The following ROR2 variants were observed in gnomAD, a reference collection of about 807,000 sequenced individuals.
The protein encoded by ROR2 is tyrosine-protein kinase transmembrane receptor ROR2.
Under a neutral mutation model 74.9 loss-of-function variants are expected in ROR2, and 33 were observed. That is an observed-to-expected ratio of 0.44 (90% CI 0.33 to 0.59). The LOEUF (loss-of-function observed/expected upper bound fraction) is 0.59, where lower values mean the gene tolerates loss of function less well. Ranked by LOEUF, ROR2 falls within the 20% of genes least tolerant of loss-of-function variation. ROR2 has a pLI of 0.02. For missense variants in ROR2, 1,216 were observed against 1,313.8 expected (o/e 0.93, Z 1.15); for synonymous variants, 586 against 558.7 (o/e 1.05, Z -0.69).
chr9:91,924,190 G>A (rs1202596010), intron 1 of ROR2, among the ~76,000 whole-genome samples: 1 of 152,214 alleles, frequency 6.6e-6, no homozygotes, highest in Non-Finnish European at 1.5e-5. Context: ...GTCCTCCATG[G>A]TAGGTGATCC....
chr9:91,767,078 CG>C (rs35392720), intron 2 of ROR2, among the ~76,000 whole-genome samples: 4,711 of 142,480 alleles, frequency 0.033, 252 homozygotes, highest in African/African-American at 0.11. Context: ...CAATGACTTA[CG>C]GTTTTTTTTT....
chr9:91,781,822 A>G (rs937398075), intron 1 of ROR2, among the ~76,000 whole-genome samples: 11 of 152,208 alleles, frequency 7.2e-5, no homozygotes, highest in African/African-American at 2.7e-4. Context: ...CGTTTCACCA[A>G]TTTGAACTTT....
chr9:91,877,483 A>G (rs143930038), intron 1 of ROR2, among the ~76,000 whole-genome samples: 4 of 152,240 alleles, frequency 2.6e-5, no homozygotes, highest in East Asian at 1.9e-4. Context: ...AGAAGATCAG[A>G]TAACTACTAT....
At chr9:91,890,349 T>C (rs1164768606) in intron 1 of ROR2, among the ~76,000 whole-genome samples, 3 of 152,206 alleles carry the variant, frequency 2.0e-5, no homozygotes, top group African/African-American at 7.2e-5. Context: ...AATCTTCTCC[T>C]GTAAAGCTTT....
intron 1 of ROR2, among the ~76,000 whole-genome samples, chr9:91,871,297 A>C (rs1357882301): frequency 2.6e-5 from 4 of 152,214 alleles, no homozygotes; most frequent in Middle Eastern, 3.2e-3. Context: ...CTAAACCACT[A>C]TCTGTGTTTC....
At chr9:91,770,163 C>T (rs574000203) in intron 2 of ROR2, among the ~76,000 whole-genome samples, 4 of 152,344 alleles carry the variant, frequency 2.6e-5, no homozygotes, top group African/African-American at 9.6e-5. Context: ...GGGGGATGCC[C>T]TCATGGTGGC....
At chr9:91,874,379 C>T (rs1332623223) in intron 1 of ROR2, among the ~76,000 whole-genome samples, 1 of 152,154 alleles carries the variant, frequency 6.6e-6, no homozygotes, top group Non-Finnish European at 1.5e-5. Context: ...GCCAGCTGCA[C>T]TTATTCTACT....
intron 1 of ROR2, among the ~76,000 whole-genome samples, chr9:91,926,772 C>T (rs935851767): frequency 4.6e-5 from 7 of 151,818 alleles, no homozygotes; most frequent in Non-Finnish European, 1.0e-4. Context: ...TCCACTCACA[C>T]GAGGTCCCCA....
intron 1 of ROR2, among the ~76,000 whole-genome samples, chr9:91,862,152 T>A (rs774328863): frequency 5.9e-5 from 9 of 151,616 alleles, no homozygotes; most frequent in Non-Finnish European, 1.3e-4. Context: ...TGAAACCCCA[T>A]CTCTACTAAA....
Position 91,723,454 on chromosome 9 carries a change from C to G in ROR2, c.*208G>C. 1 of 708,092 alleles carries G rather than the reference C, an allele frequency of 1.4e-6. No individual in the cohort carries two copies. Among genetic ancestry groups the G allele is most frequent in the Non-Finnish European group, 2.3e-6 (1 of 434,230 alleles). 43.9% of individuals were successfully genotyped at this position (708,092 alleles called of 1,614,324 possible). On this transcript the variant is annotated 3_prime_UTR_variant, in exon 9 of 9. Transcript: ENST00000375708. ...CCCAGGACGCCGTGCTGCCAGACCC[C>G]CTGCCTGGCTTGGGTGCTCCTAGGC...
chr9:91,779,488 C>T (rs188467273), intron 1 of ROR2, among the ~76,000 whole-genome samples: 8 of 151,620 alleles, frequency 5.3e-5, no homozygotes, highest in Admixed American at 3.9e-4. Flanking sequence ...CTCCTGCCTC[C>T]GCCTCCCAAG....
intron 1 of ROR2, among the ~76,000 whole-genome samples, chr9:91,849,362 T>C (rs1829029141): frequency 6.6e-6 from 1 of 152,228 alleles, no homozygotes. Context: ...GGAAAATATC[T>C]TGACTGGCGA....
At chr9:91,821,967 T>A (rs966925749) in intron 1 of ROR2, among the ~76,000 whole-genome samples, 2 of 150,246 alleles carry the variant, frequency 1.3e-5, no homozygotes, top group African/African-American at 2.5e-5. Context: ...AAAGGAAAGA[T>A]GGAAGGAAGA....
At chr9:91,858,088 C>T (rs372440154) in intron 1 of ROR2, among the ~76,000 whole-genome samples, 4 of 152,136 alleles carry the variant, frequency 2.6e-5, no homozygotes, top group Non-Finnish European at 4.4e-5. Flanking sequence ...CAAAGGTTGG[C>T]CATGGCCTGC....
chr9:91,727,550 G>A (rs1006480448), intron 7 of ROR2, among the ~76,000 whole-genome samples: 3 of 152,098 alleles, frequency 2.0e-5, no homozygotes, highest in Admixed American at 6.5e-5. Context: ...CCCAGGCTGC[G>A]TGGCCCCAAG....
chr9:91,937,242 G>A (rs544797149), intron 1 of ROR2, among the ~76,000 whole-genome samples: 37 of 152,072 alleles, frequency 2.4e-4, no homozygotes, highest in Non-Finnish European at 5.0e-4. Context: ...TGTTGGTCTG[G>A]CAGGAAGCAA....
Position 91,844,477 on chromosome 9 carries a change from G to A in ROR2, c.98-68659C>T, listed in dbSNP as rs549929548. Among the ~76,000 whole-genome samples the A allele has an allele frequency of 5.9e-5, 9 of 152,278 alleles. No individual in the cohort carries two copies. In the South Asian group the frequency reaches 1.0e-3, roughly 18 times the overall value. ...GGCTGTGGTTTTACTTCCTCCTGCCGTCCTCCAAATATCAGGCTCTCTCTG... is the reference window on the plus strand; with the variant it reads ...GGCTGTGGTTTTACTTCCTCCTGCCATCCTCCAAATATCAGGCTCTCTCTG... On this transcript the variant is annotated intron_variant, in intron 1 of 8. Transcript: ENST00000375708.
chr9:91,857,107 A>T (rs1210464746), intron 1 of ROR2, among the ~76,000 whole-genome samples: 1 of 152,246 alleles, frequency 6.6e-6, no homozygotes, highest in African/African-American at 2.4e-5. Context: ...GGCAGAGAGG[A>T]GACTAGACCA....
At chr9:91,802,685 G>A (rs987663218) in intron 1 of ROR2, among the ~76,000 whole-genome samples, 5 of 152,030 alleles carry the variant, frequency 3.3e-5, no homozygotes, top group African/African-American at 9.7e-5. Context: ...CTCCCCTTCT[G>A]CCCAAGGGAA....
Sources: allele counts gnomAD v4.1 joint callset (sites outside exome capture counted in the v4.1 genomes callset), GRCh38; gene constraint gnomAD v4.1.1; transcripts MANE v1.5; gene names NCBI Gene and HGNC (gene_info 2026-07-23, HGNC 2026-07-21).